The following PKIB variants were observed in gnomAD, a reference collection of about 807,000 sequenced individuals.
PKIB encodes the protein cAMP-dependent protein kinase inhibitor beta.
Under a neutral mutation model 4.5 loss-of-function variants are expected in PKIB, and 2 were observed. The observed-to-expected ratio is 0.44, with a 90% CI of 0.18 to 1.39. PKIB has a LOEUF of 1.39. Ranked by LOEUF, PKIB falls within the 40% of genes most tolerant of loss-of-function variation. The pLI is 0.27. For synonymous variants in PKIB, 38 were observed against 36.0 expected, an observed-to-expected ratio of 1.06 and a Z score of -0.20; for missense variants, 94 against 92.6, an observed-to-expected ratio of 1.02 and a Z score of -0.06.
At chr6:122,694,465 T>TA (rs763423098) in intron 3 of PKIB, among the ~76,000 whole-genome samples, 6 of 152,210 alleles carry the variant, frequency 3.9e-5, no homozygotes, top group Admixed American at 2.0e-4. Context: ...TTAAGATTTG[T>TA]AAAAAAATCT....
At chr6:122,674,430 T>A (rs2114955036) in intron 2 of PKIB, among the ~76,000 whole-genome samples, 1 of 152,280 alleles carries the variant, frequency 6.6e-6, no homozygotes, top group East Asian at 1.9e-4. Context: ...GAGTGGCTAA[T>A]GTGCATACCG....
intron 2 of PKIB, among the ~76,000 whole-genome samples, chr6:122,559,267 A>G (rs936667899): frequency 1.7e-4 from 25 of 151,462 alleles, no homozygotes; most frequent in African/African-American, 6.1e-4. Context: ...ATATACATAA[A>G]ATAGATACAT....
intron 2 of PKIB, among the ~76,000 whole-genome samples, chr6:122,673,363 TTCTTAATCATG>T (rs1442499873): frequency 4.6e-5 from 7 of 152,234 alleles, no homozygotes; most frequent in Non-Finnish European, 8.8e-5. Context: ...AAATTTTGTT[TTCTTAATCATG>T]TCTTTTAGGT....
chr6:122,541,655 T>C (rs1009540099), intron 2 of PKIB, among the ~76,000 whole-genome samples: 5 of 151,896 alleles, frequency 3.3e-5, no homozygotes, highest in African/African-American at 1.2e-4. Flanking sequence ...CTGACAATTA[T>C]GTGTCTTGGA....
At chr6:122,525,247 T>C (rs1215638908) in intron 2 of PKIB, among the ~76,000 whole-genome samples, 1 of 152,136 alleles carries the variant, frequency 6.6e-6, no homozygotes, top group Admixed American at 6.6e-5. Context: ...TTTCACATAT[T>C]TGTAGATTTT....
intron 4 of PKIB, among the ~76,000 whole-genome samples, chr6:122,719,159 AT>A (rs1163077017): frequency 6.6e-6 from 1 of 152,144 alleles, no homozygotes; most frequent in East Asian, 1.9e-4. Flanking sequence ...AAAAACCGTA[AT>A]TAAATTTTAT....
At chr6:122,646,750 C>T (rs1384223186) in intron 2 of PKIB, among the ~76,000 whole-genome samples, 1 of 152,102 alleles carries the variant, frequency 6.6e-6, no homozygotes, top group Non-Finnish European at 1.5e-5. Context: ...AATATAGCTT[C>T]AAATTATCAC....
intron 3 of PKIB, among the ~76,000 whole-genome samples, chr6:122,588,574 A>G (rs1773922755): frequency 6.6e-6 from 1 of 152,300 alleles, no homozygotes; most frequent in African/African-American, 2.4e-5. Context: ...TGGTACCAAA[A>G]CAGAGATGTA....
At chr6:122,575,715 T>C (rs1773510856) in intron 2 of PKIB, among the ~76,000 whole-genome samples, 1 of 152,128 alleles carries the variant, frequency 6.6e-6, no homozygotes, top group Non-Finnish European at 1.5e-5. Flanking sequence ...GGAGCTAAGC[T>C]ACAACGATGC....
At chr6:122,721,274 C>T (rs1031440575) in intron 4 of PKIB, among the ~76,000 whole-genome samples, 10 of 152,128 alleles carry the variant, frequency 6.6e-5, no homozygotes, top group African/African-American at 2.4e-4. Flanking sequence ...CTTCATCTTT[C>T]CCATTATACC....
intron 3 of PKIB, among the ~76,000 whole-genome samples, chr6:122,593,822 G>C (rs1774086990): frequency 6.6e-6 from 1 of 152,160 alleles, no homozygotes; most frequent in Non-Finnish European, 1.5e-5. Flanking sequence ...TCTCAGAATA[G>C]TGTCCTGTAG....
At chr6:122,485,838 C>G (rs1252422758) in intron 2 of PKIB, among the ~76,000 whole-genome samples, 1 of 152,178 alleles carries the variant, frequency 6.6e-6, no homozygotes, top group East Asian at 1.9e-4. Context: ...GTTGGATTCA[C>G]TGTAACTTTT....
In PKIB at chr6:122,725,393, G is replaced by C. The variant is rs902300720; in HGVS notation, c.*198G>C. On this transcript the variant is annotated 3_prime_UTR_variant, in exon 5 of 5. Transcript: ENST00000368452. ...GTCCAAGGTAAGCTATTAAAAGGCA[G>C]GTTACTTCCAAATCGCACTGAAGGA... The C allele has an allele frequency of 3.7e-6, 2 of 539,422 alleles. No individual in the cohort carries two copies. The highest frequency in any genetic ancestry group is 3.4e-6 in the Non-Finnish European group (1 of 297,216). 33.4% of individuals were successfully genotyped at this position (539,422 alleles called of 1,614,324 possible).
intron 2 of PKIB, among the ~76,000 whole-genome samples, chr6:122,666,771 A>G (rs1192621491): frequency 6.6e-6 from 1 of 152,212 alleles, no homozygotes; most frequent in Non-Finnish European, 1.5e-5. Flanking sequence ...CATCAACTTT[A>G]CTTTCAGACA....
At chr6:122,616,057 C>T (rs987635303) in intron 1 of PKIB, among the ~76,000 whole-genome samples, 1 of 152,046 alleles carries the variant, frequency 6.6e-6, no homozygotes, top group African/African-American at 2.4e-5. Flanking sequence ...ATAACAAGCT[C>T]AGAAGATGCA....
At chr6:122,542,178 C>T (rs557518268) in intron 2 of PKIB, among the ~76,000 whole-genome samples, 1 of 152,186 alleles carries the variant, frequency 6.6e-6, no homozygotes, top group South Asian at 2.1e-4. Context: ...CTTCTTCTCT[C>T]AACTCGTCAA....
rs370627185 is a variant in PKIB at position 122,495,201 on chromosome 6, C to T, written c.-248+17262C>T. Among the ~76,000 whole-genome samples the T allele has an allele frequency of 2.0e-5, 3 of 152,198 alleles. No individual in the cohort carries two copies. The East Asian group carries it at 5.8e-4, about 29-fold the overall frequency. ...CAGAGGTAATAGACAAGGTTTAGCACCTCTGCATGCCACCAATAGCAAAGT... is the reference window on the plus strand; with the variant it reads ...CAGAGGTAATAGACAAGGTTTAGCATCTCTGCATGCCACCAATAGCAAAGT... On this transcript the variant is annotated intron_variant, in intron 2 of 6. Transcript: ENST00000392491.
At chr6:122,621,806 T>C (rs1229253417) in intron 1 of PKIB, among the ~76,000 whole-genome samples, 1 of 152,248 alleles carries the variant, frequency 6.6e-6, no homozygotes, top group Non-Finnish European at 1.5e-5. Flanking sequence ...TGGAATCTTA[T>C]TTGTACAGTG....
At chr6:122,695,719 A>G (rs1004251706) in intron 3 of PKIB, among the ~76,000 whole-genome samples, 1 of 152,118 alleles carries the variant, frequency 6.6e-6, no homozygotes, top group Non-Finnish European at 1.5e-5. Context: ...AAAAGGCAAT[A>G]TAATGAAATT....
Sources: gnomAD v4.1 joint callset for allele counts (sites outside exome capture counted in the v4.1 genomes callset) on GRCh38, gnomAD v4.1.1 for gene constraint, MANE v1.5 for transcripts, NCBI Gene and HGNC (gene_info 2026-07-23, HGNC 2026-07-21) for gene names.